The following PIP5K1A variants were observed in gnomAD, a reference collection of about 807,000 sequenced individuals.
PIP5K1A encodes the protein phosphatidylinositol-4-phosphate 5-kinase type 1 alpha.
In PIP5K1A, 46 loss-of-function variants were observed where a neutral mutation model predicts 72.9. That is an observed-to-expected ratio of 0.63 (90% CI 0.50 to 0.81). The LOEUF (loss-of-function observed/expected upper bound fraction) is 0.81. Ranked by LOEUF, PIP5K1A falls within the 30% of genes least tolerant of loss-of-function variation. The pLI is 0.00. For synonymous variants in PIP5K1A, 228 were observed against 255.1 expected (o/e 0.89, Z 1.01); for missense variants, 458 against 706.1 (o/e 0.65, Z 3.98).
At chr1:151,228,980 C>A (rs1366440014) in intron 4 of PIP5K1A, among the ~76,000 whole-genome samples, 1 of 151,076 alleles carries the variant, frequency 6.6e-6, no homozygotes, top group Non-Finnish European at 1.5e-5. Context: ...CCAACCTGAC[C>A]AACATGGCAA....
Position 151,249,097 on chromosome 1 carries a change from T to A in PIP5K1A, c.*1232T>A, listed in dbSNP as rs1692867466. 1 of 152,202 alleles carries A rather than the reference T, an allele frequency of 6.6e-6. No homozygotes were observed. The highest frequency in any genetic ancestry group is 1.5e-5 in the Non-Finnish European group (1 of 68,032). The allele number at this position is 152,202 out of a possible 1,614,324, so 9.4% of individuals were successfully genotyped here. A position where few individuals can be genotyped will look rare whatever the true frequency, so the allele number is the denominator to read the frequency against. The stretch of plus-strand genomic sequence containing the variant: ...GTGGTTTTCCATCTGATCCTTCCAC[T>A]CTTGTCAGGGGAAGAAGGGGGCCTG... On this transcript the variant is annotated 3_prime_UTR_variant, in exon 16 of 16. Coordinates refer to ENST00000368888, the MANE Select transcript of PIP5K1A (RefSeq NM_001135638.2).
upstream of PIP5K1A, among the ~76,000 whole-genome samples, chr1:151,197,330 G>A (rs1400976665): frequency 1.3e-5 from 2 of 152,046 alleles, no homozygotes; most frequent in Non-Finnish European, 2.9e-5. Context: ...CCAGGCTAGA[G>A]TGCAGTGGCG....
chr1:151,217,060 G>A (rs1386944294), intron 1 of PIP5K1A, among the ~76,000 whole-genome samples: 2 of 152,052 alleles, frequency 1.3e-5, no homozygotes, highest in East Asian at 1.9e-4. Context: ...CTACAGGTGC[G>A]TGCCACTACA....
In PIP5K1A at chr1:151,236,141, T is replaced by C. The variant is rs587684952; in HGVS notation, c.940-417T>C. On this transcript the variant is annotated intron_variant, in intron 8 of 15. Transcript: ENST00000368888. ...TCTCAAAAAAAAAAAAAAAAAAATT[T>C]AGCCTTACAGGTTCACTGTAAGGCT... Among the ~76,000 whole-genome samples the C allele has an allele frequency of 3.0e-4, 44 of 148,648 alleles. 1 individual carries two copies. The South Asian group carries it at 9.0e-3, about 30-fold the overall frequency.
chr1:151,199,451 A>G (rs1285202779), intron 1 of PIP5K1A, among the ~76,000 whole-genome samples: 1 of 152,000 alleles, frequency 6.6e-6, no homozygotes, highest in African/African-American at 2.4e-5. Context: ...CGTCCCTACT[A>G]AAAATACAAA....
At chr1:151,247,732 G>T in intron 15 of PIP5K1A, 131 bp from the exon 16 acceptor site, 1 of 765,268 alleles carries the variant, frequency 1.3e-6, no homozygotes. Context: ...CCGCCATCTT[G>T]TTTTTTAAAA....
intron 1 of PIP5K1A, among the ~76,000 whole-genome samples, chr1:151,221,908 C>CA (rs1375926415): frequency 2.6e-5 from 4 of 151,672 alleles, no homozygotes; most frequent in Non-Finnish European, 4.4e-5. Flanking sequence ...CTCATATCTA[C>CA]AAAAAAGAAT....
intron 14 of PIP5K1A, among the ~76,000 whole-genome samples, chr1:151,245,570 C>T (rs1007429959): frequency 2.0e-5 from 3 of 152,170 alleles, no homozygotes; most frequent in African/African-American, 4.8e-5. Flanking sequence ...GGGTCTCCCT[C>T]TGTCACCCAG....
chr1:151,231,622 T>C lies in PIP5K1A; in HGVS notation c.238-49T>C, dbSNP rs746257387. ...TCCCCTTTCTGAATTTTTATTGTTATGATCCTACTTATACTAGGAATTTTC... is the reference window on the plus strand; with the variant it reads ...TCCCCTTTCTGAATTTTTATTGTTACGATCCTACTTATACTAGGAATTTTC... On this transcript the variant is annotated intron_variant, in intron 4 of 15. Coordinates refer to ENST00000368888, the MANE Select transcript of PIP5K1A (RefSeq NM_001135638.2). The C allele has an allele frequency of 2.6e-5, 40 of 1,553,138 alleles. No individual in the cohort carries two copies. The East Asian group carries it at 3.6e-4, about 14-fold the overall frequency.
intron 14 of PIP5K1A, 59 bp from the exon 15 acceptor site, chr1:151,246,861 C>G: frequency 8.0e-7 from 1 of 1,242,486 alleles, no homozygotes. Flanking sequence ...AAAGGAGAGT[C>G]CTTTGTTGTT....
intron 12 of PIP5K1A, among the ~76,000 whole-genome samples, chr1:151,241,737 T>C (rs1347642046): frequency 6.6e-6 from 1 of 150,978 alleles, no homozygotes; most frequent in Non-Finnish European, 1.5e-5. Context: ...GAGGTGGAGG[T>C]TGCAGTGAGC....
chr1:151,210,128 C>T (rs990218345), intron 1 of PIP5K1A, among the ~76,000 whole-genome samples: 9 of 152,046 alleles, frequency 5.9e-5, no homozygotes, highest in African/African-American at 1.9e-4. Flanking sequence ...AGGTGATCTG[C>T]CTGCTTCCGC....
chr1:151,201,923 AT>A (rs1168075756), intron 1 of PIP5K1A, among the ~76,000 whole-genome samples: 1 of 152,172 alleles, frequency 6.6e-6, no homozygotes, highest in African/African-American at 2.4e-5. Flanking sequence ...CTATGGAAAG[AT>A]TATAATGGCC....
In PIP5K1A at chr1:151,247,948, A is replaced by C; in HGVS notation, c.*83A>C. ...TCAGCCCTTGCCCCAGCAATGCTGA[A>C]TTTTCTTCTACTTGGTCATCAAAAA... is the stretch of plus-strand genomic sequence containing the variant. On this transcript the variant is annotated 3_prime_UTR_variant, in exon 16 of 16. Transcript: ENST00000368888. 1 of 1,218,608 alleles carries C rather than the reference A, an allele frequency of 8.2e-7. No homozygotes were observed. The highest frequency in any genetic ancestry group is 1.2e-6 in the Non-Finnish European group (1 of 820,484). 75.5% of individuals were successfully genotyped at this position (1,218,608 alleles called of 1,614,324 possible).
At chr1:151,218,736 G>A (rs2102309218) in intron 1 of PIP5K1A, among the ~76,000 whole-genome samples, 1 of 150,024 alleles carries the variant, frequency 6.7e-6, no homozygotes, top group African/African-American at 2.4e-5. Flanking sequence ...TGAAGGCTGA[G>A]GCAGGAGAAT....
intron 1 of PIP5K1A, among the ~76,000 whole-genome samples, chr1:151,222,092 G>GA (rs1318285974): frequency 1.3e-5 from 2 of 151,730 alleles, no homozygotes; most frequent in African/African-American, 2.4e-5. Context: ...GTCTCAAAGG[G>GA]AAAAAAAATT....
Position 151,249,070 on chromosome 1 carries a change from T to C in PIP5K1A, c.*1205T>C, listed in dbSNP as rs1367847878. On this transcript the variant is annotated 3_prime_UTR_variant, in exon 16 of 16. Coordinates refer to ENST00000368888, the MANE Select transcript of PIP5K1A (RefSeq NM_001135638.2). Reference sequence around the variant, plus strand: ...GCCCTCTCCTCCCCGTCTACAAGAGTTGTGGTTTTCCATCTGATCCTTCCA... The same window carrying C: ...GCCCTCTCCTCCCCGTCTACAAGAGCTGTGGTTTTCCATCTGATCCTTCCA... 3 of 151,934 alleles carry C rather than the reference T, an allele frequency of 2.0e-5. No homozygotes were observed. The highest frequency in any genetic ancestry group is 4.4e-5 in the Non-Finnish European group (3 of 67,978). The allele number at this position is 151,934 out of a possible 1,614,324, so 9.4% of individuals were successfully genotyped here.
At chr1:151,221,665 A>G (rs948719424) in intron 1 of PIP5K1A, among the ~76,000 whole-genome samples, 1 of 152,252 alleles carries the variant, frequency 6.6e-6, no homozygotes, top group Non-Finnish European at 1.5e-5. Context: ...GGTATGGATT[A>G]CAAAACGATA....
chr1:151,202,616 C>A (rs1018857259), intron 1 of PIP5K1A, among the ~76,000 whole-genome samples: 1 of 151,248 alleles, frequency 6.6e-6, no homozygotes, highest in African/African-American at 2.4e-5. Context: ...ATTACAGGCA[C>A]CTGCCACCAC....
Sources: gnomAD v4.1 joint callset for allele counts (sites outside exome capture counted in the v4.1 genomes callset) on GRCh38, gnomAD v4.1.1 for gene constraint, MANE v1.5 for transcripts, NCBI Gene and HGNC (gene_info 2026-07-23, HGNC 2026-07-21) for gene names.